The following PRUNE2 variants were observed in gnomAD, a reference collection of about 807,000 sequenced individuals.
The protein encoded by PRUNE2 is prune homolog 2 with BCH domain, also known as protein prune homolog 2.
PRUNE2 carries 164 observed loss-of-function variants against 252.0 expected under a neutral mutation model. That is an observed-to-expected ratio of 0.65 (90% CI 0.57 to 0.74). The LOEUF (loss-of-function observed/expected upper bound fraction) is 0.74. PRUNE2 is among the 30% of genes least tolerant of loss of function. PRUNE2 has a pLI of 0.00. For missense variants in PRUNE2, 3,495 were observed against 3,711.0 expected (o/e 0.94, Z 1.51); for synonymous variants, 1,292 against 1,350.2 (o/e 0.96, Z 0.94).
At chr9:76,688,024 G>A (rs2044284239) in intron 9 of PRUNE2, among the ~76,000 whole-genome samples, 1 of 152,182 alleles carries the variant, frequency 6.6e-6, no homozygotes, top group Non-Finnish European at 1.5e-5. Context: ...CTCAGTTCCT[G>A]AGCCCACAAT....
Position 76,611,426 on chromosome 9 carries a change from ATT to A in PRUNE2, c.*3142_*3143del, listed in dbSNP as rs1214017860. The A allele has an allele frequency of 2.0e-5, 3 of 152,240 alleles. No individual in the cohort carries two copies. Among genetic ancestry groups the A allele is most frequent in the African/African-American group, 7.2e-5 (3 of 41,464 alleles). 9.4% of individuals were successfully genotyped at this position (152,240 alleles called of 1,614,324 possible). On this transcript the variant is annotated 3_prime_UTR_variant, in exon 19 of 19. Coordinates refer to ENST00000376718, the MANE Select transcript of PRUNE2 (RefSeq NM_015225.3). Reference sequence around the variant, plus strand: ...TTATACAGTGAGGCTATATAGATATATTGTGTCATTAAAGACTTTTATATTAT... The same window carrying A: ...TTATACAGTGAGGCTATATAGATATAGTGTCATTAAAGACTTTTATATTAT...
chr9:76,678,655 T>C (rs1032542943), intron 9 of PRUNE2, among the ~76,000 whole-genome samples: 1 of 151,572 alleles, frequency 6.6e-6, no homozygotes, highest in Non-Finnish European at 1.5e-5. Context: ...CGGTGAAACC[T>C]CGCCTCTACT....
chr9:76,803,360 C>G (rs1388567413), intron 6 of PRUNE2, among the ~76,000 whole-genome samples: 1 of 152,128 alleles, frequency 6.6e-6, no homozygotes, highest in African/African-American at 2.4e-5. Flanking sequence ...AAGCAGTAAC[C>G]TATTTTTCTC....
intron 1 of PRUNE2, among the ~76,000 whole-genome samples, chr9:76,865,984 A>T (rs1476678293): frequency 6.6e-6 from 1 of 152,186 alleles, no homozygotes; most frequent in Non-Finnish European, 1.5e-5. Flanking sequence ...TCAAGACAAG[A>T]TTCTTGACTT....
chr9:76,754,545 A>G (rs1351679922), intron 6 of PRUNE2, among the ~76,000 whole-genome samples: 2 of 152,120 alleles, frequency 1.3e-5, no homozygotes, highest in Non-Finnish European at 2.9e-5. Context: ...CCGGCCAAAC[A>G]CTTCCTGTCT....
At chr9:76,733,775 T>C (rs538978395) in intron 6 of PRUNE2, 1 of 152,278 alleles carries the variant, frequency 6.6e-6, no homozygotes, top group Non-Finnish European at 1.5e-5. Context: ...AGAGGTAAGA[T>C]AATTAATTAA....
intron 6 of PRUNE2, among the ~76,000 whole-genome samples, chr9:76,762,745 G>T (rs1399951031): frequency 6.6e-6 from 1 of 152,162 alleles, no homozygotes; most frequent in Admixed American, 6.5e-5. Flanking sequence ...TCCAGAGTCA[G>T]GCCCTTCGCC....
intron 7 of PRUNE2, 48 bp downstream of exon 7, chr9:76,713,514 CA>C (rs2046900116): frequency 6.6e-7 from 1 of 1,511,440 alleles, no homozygotes; most frequent in African/African-American, 1.4e-5. Context: ...TTCTGAGAGC[CA>C]GCAGGTTAGG....
chr9:76,680,492 A>G (rs528332915), intron 9 of PRUNE2, among the ~76,000 whole-genome samples: 11 of 152,194 alleles, frequency 7.2e-5, no homozygotes, highest in Non-Finnish European at 1.3e-4. Context: ...TGGATCCTCA[A>G]ATCGATTAAA....
chr9:76,761,940 T>G lies in PRUNE2; in HGVS notation c.757-48219A>C, dbSNP rs544070996. ...TCCAAATAATGCCACTCTGGAGCTA[T>G]ATCATATTATGTATCATGTATGGTC... is the stretch of plus-strand genomic sequence containing the variant. On this transcript the variant is annotated intron_variant, in intron 6 of 18. Transcript: ENST00000376718. Among the ~76,000 whole-genome samples the G allele has an allele frequency of 4.6e-5, 7 of 152,324 alleles. No individual in the cohort carries two copies. In the East Asian group the frequency reaches 1.3e-3, roughly 29 times the overall value.
At chr9:76,868,658 T>C (rs2060985016) in intron 1 of PRUNE2, among the ~76,000 whole-genome samples, 1 of 152,182 alleles carries the variant, frequency 6.6e-6, no homozygotes, top group South Asian at 2.1e-4. Flanking sequence ...CAATATGCAA[T>C]AGCAATCAGA....
chr9:76,629,622 A>G (rs576657245), intron 15 of PRUNE2, among the ~76,000 whole-genome samples: 296 of 150,758 alleles, frequency 2.0e-3, no homozygotes, highest in Non-Finnish European at 3.9e-3. Flanking sequence ...TTTGATACTT[A>G]AAATCTACTC....
At chr9:76,678,764 C>T (rs2043079962) in intron 9 of PRUNE2, among the ~76,000 whole-genome samples, 1 of 151,558 alleles carries the variant, frequency 6.6e-6, no homozygotes, top group African/African-American at 2.4e-5. Flanking sequence ...GGAGGCGGAG[C>T]TTGCGGTGAG....
intron 6 of PRUNE2, among the ~76,000 whole-genome samples, chr9:76,774,452 T>TTTTTTATTTATTTATTTA (rs1404326650): frequency 5.6e-5 from 6 of 107,242 alleles, no homozygotes; most frequent in Non-Finnish European, 1.2e-4. Context: ...GTTCAACCCT[T>TTTTTTATTTATTTATTTA]TTTTTTTTTT....
chr9:76,728,860 G>C (rs533000713), intron 6 of PRUNE2, among the ~76,000 whole-genome samples: 6 of 152,246 alleles, frequency 3.9e-5, no homozygotes, highest in African/African-American at 1.4e-4. Flanking sequence ...ATGAGAAAAT[G>C]TATAAAACAC....
At chr9:76,852,377 G>A (rs1188085456) in intron 2 of PRUNE2, among the ~76,000 whole-genome samples, 2 of 152,240 alleles carry the variant, frequency 1.3e-5, no homozygotes, top group East Asian at 3.8e-4. Context: ...TGTGGCCTGG[G>A]CCTCTCCTGG....
intron 1 of PRUNE2, among the ~76,000 whole-genome samples, chr9:76,872,541 C>G (rs1470760917): frequency 6.6e-6 from 1 of 151,172 alleles, no homozygotes; most frequent in Non-Finnish European, 1.5e-5. Flanking sequence ...GGAGCCTCTA[C>G]TCTTCTTTTC....
chr9:76,873,434 G>A (rs529021176), intron 1 of PRUNE2, among the ~76,000 whole-genome samples: 11 of 152,300 alleles, frequency 7.2e-5, no homozygotes, highest in Non-Finnish European at 1.6e-4. Flanking sequence ...AAGTGCCAAA[G>A]TAACTCTAAT....
intron 6 of PRUNE2, among the ~76,000 whole-genome samples, chr9:76,790,072 A>C (rs1322014523): frequency 6.6e-6 from 1 of 152,178 alleles, no homozygotes; most frequent in Non-Finnish European, 1.5e-5. Flanking sequence ...AAAATGCAGG[A>C]ACTGATAAAG....
Sources: allele counts gnomAD v4.1 joint callset (sites outside exome capture counted in the v4.1 genomes callset), GRCh38; gene constraint gnomAD v4.1.1; transcripts MANE v1.5; gene names NCBI Gene and HGNC (gene_info 2026-07-23, HGNC 2026-07-21).